COL7A1: variants seen among roughly 807,000 people sequenced by gnomAD.
COL7A1 encodes the protein collagen alpha-1(VII) chain.
A neutral mutation model predicts 456.2 loss-of-function variants in COL7A1; 296 were observed. The observed-to-expected ratio is 0.65, with a 90% CI of 0.59 to 0.71. COL7A1 has a LOEUF of 0.71. COL7A1 is among the 30% of genes least tolerant of loss of function. The probability of loss-of-function intolerance (pLI) is 0.00; values close to 1 mark genes in which losing one functional copy is unlikely to be tolerated. For missense variants in COL7A1, 3,441 were observed against 4,017.2 expected (o/e 0.86, Z 3.88); for synonymous variants, 1,464 against 1,525.9 (o/e 0.96, Z 0.95).
chr3:48,564,925 C>T lies in COL7A1; in HGVS notation c.8676G>A (p.Trp2892Ter), dbSNP rs755464659. ...EGSCTAYTLR[W>*]YHRAVTGSTE... ...TGCTGCCTGTCACAGCCCGATGGTA[C>T]CAGCGCAGGGTGTAGGCAGTGCAGG... The change falls in exon 118 of 119, where the codon TGG (tryptophan) becomes TGA (stop). Residue 2892 changes from tryptophan (W) to a stop codon, truncating the protein, a stop_gained. Coordinates refer to ENST00000681320, the MANE Select transcript of COL7A1 (RefSeq NM_000094.4). LOFTEE classifies it high-confidence loss of function. This position sits in a 1 kb window ranked among gnomAD's most constrained non-coding sequence, Gnocchi z 6.0. The T allele has an allele frequency of 1.2e-6, 2 of 1,614,190 alleles. No homozygotes were observed. Among genetic ancestry groups the T allele is most frequent in the Non-Finnish European group, 1.7e-6 (2 of 1,180,030 alleles).
Position 48,568,206 on chromosome 3 carries a change from G to T in COL7A1, c.7795-36C>A. On this transcript the variant is annotated intron_variant, in intron 105 of 118. Transcript: ENST00000681320. The surrounding 1 kb of genome is among the most constrained non-coding windows in gnomAD (Gnocchi z 5.2). ...GAGGGTCCATGTGAGGTCAGAGGAG[G>T]TCAGTGAGGGACCAAAGAGAATCGC... The T allele has an allele frequency of 1.2e-6, 2 of 1,603,616 alleles. No individual in the cohort carries two copies. Among genetic ancestry groups the T allele is most frequent in the East Asian group, 2.2e-5 (1 of 44,854 alleles).
chr3:48,572,873 G>A lies in COL7A1; in HGVS notation c.6820C>T (p.Pro2274Ser). ...ASGKDGDRGS[P>S]GVPGSPGLPG... ...CCCAGAACACATACTGGCACACCAG[G>A]GCTCCCTCTGTCTCCATCTTTTCCA... is the stretch of plus-strand genomic sequence containing the variant. Residue 2274 changes from proline to serine, a missense_variant, in exon 87 of 119, where the codon CCT (proline) becomes TCT (serine). Coordinates refer to ENST00000681320, the MANE Select transcript of COL7A1 (RefSeq NM_000094.4). This position sits in a 1 kb window ranked among gnomAD's most constrained non-coding sequence, Gnocchi z 4.6. 1 of 1,613,968 alleles carries A rather than the reference G, an allele frequency of 6.2e-7. No homozygotes were observed. Among genetic ancestry groups the A allele is most frequent in the South Asian group, 1.1e-5 (1 of 91,070 alleles).
Position 48,576,495 on chromosome 3 carries a change from C to T in COL7A1, c.5736+27G>A, listed in dbSNP as rs201553470. 298 of 1,612,364 alleles carry T rather than the reference C, an allele frequency of 1.8e-4. No individual in the cohort carries two copies. The African/African-American group carries it at 2.4e-3, about 13-fold the overall frequency. On this transcript the variant is annotated intron_variant, in intron 69 of 118. Coordinates refer to ENST00000681320, the MANE Select transcript of COL7A1 (RefSeq NM_000094.4). ...CCCAGCCTGGTCAGCCCCCTCACCA[C>T]GCCCCCTACCCAACATCCGCACTCA...
rs760968373 is a variant in COL7A1, at chr3:48,569,840, C to T, written c.7521+40G>A. 2 of 1,614,176 alleles carry T rather than the reference C, an allele frequency of 1.2e-6. No individual in the cohort carries two copies. Among genetic ancestry groups the T allele is most frequent in the South Asian group, 2.2e-5 (2 of 91,086 alleles). On this transcript the variant is annotated intron_variant, in intron 100 of 118. Coordinates refer to ENST00000681320, the MANE Select transcript of COL7A1 (RefSeq NM_000094.4). This position sits in a 1 kb window ranked among gnomAD's most constrained non-coding sequence, Gnocchi z 4.9. ...ATTCTAATATCATACAAGATCCACT[C>T]ACCCCCCCACTCATGCCAGGACCTT...
chr3:48,578,818 C>T lies in COL7A1; in HGVS notation c.5424+101G>A. 1 of 1,295,230 alleles carries T rather than the reference C, an allele frequency of 7.7e-7. No individual in the cohort carries two copies. The highest frequency in any genetic ancestry group is 1.4e-5 in the South Asian group (1 of 69,718). The allele number at this position is 1,295,230 out of a possible 1,614,324, so 80.2% of individuals were successfully genotyped here. On this transcript the variant is annotated intron_variant, in intron 63 of 118. Coordinates refer to ENST00000681320, the MANE Select transcript of COL7A1 (RefSeq NM_000094.4). This position sits in a 1 kb window ranked among gnomAD's most constrained non-coding sequence, Gnocchi z 4.7. Reference sequence around the variant, plus strand: ...AGACCCTCCCAAAGGCAAGGCTGAACCGACCCCCCACCAACTCTCTCGGAT... The same window carrying T: ...AGACCCTCCCAAAGGCAAGGCTGAATCGACCCCCCACCAACTCTCTCGGAT...
chr3:48,581,033 A>G lies in COL7A1; in HGVS notation c.4935+89T>C, dbSNP rs902675233. 65 of 1,599,758 alleles carry G rather than the reference A, an allele frequency of 4.1e-5. No homozygotes were observed. The highest frequency in any genetic ancestry group is 5.3e-5 in the Non-Finnish European group (62 of 1,168,026). ...AGCAGCAGCTGGACAGGAGGCAGGG[A>G]GTGGATGGATGAACTGGTGGAGCAC... On this transcript the variant is annotated intron_variant, in intron 53 of 118. Coordinates refer to ENST00000681320, the MANE Select transcript of COL7A1 (RefSeq NM_000094.4). This position sits in a 1 kb window ranked among gnomAD's most constrained non-coding sequence, Gnocchi z 5.8.
At position 48,593,382 on chromosome 3, in the gene COL7A1, C is replaced by T. The variant is rs986805584; in HGVS notation, c.494G>A (p.Gly165Glu). 1.2e-6 allele frequency: 2 copies of T among 1,614,154 alleles called. No homozygotes were observed. Among genetic ancestry groups the T allele is most frequent in the African/African-American group, 1.3e-5 (1 of 75,054 alleles). ...LVDTAAQRLK[G>E]QGVKLFAVGI... ...CACAGCAAATAGCTTGACCCCCTGC[C>T]CCTTCAGCCTTTGGGCAGCTGTGTC... The change falls in exon 5 of 119, where the codon GGG (glycine) becomes GAG (glutamate). Residue 165 changes from glycine to glutamate, a missense_variant. Physicochemically the swap from Gly to Glu is moderately conservative, Grantham distance 98 (BLOSUM62 -2). Coordinates refer to ENST00000681320, the MANE Select transcript of COL7A1 (RefSeq NM_000094.4). This position sits in a 1 kb window ranked among gnomAD's most constrained non-coding sequence, Gnocchi z 4.4.
rs748171177 is a variant in COL7A1 at position 48,574,705 on chromosome 3, T to C, written c.6365A>G (p.Asn2122Ser). Residue 2122 changes from asparagine (N) to serine (S), a missense_variant, in exon 78 of 119, where the codon AAT becomes AGT. By Grantham distance (46) the Asn-to-Ser change is conservative (BLOSUM62 1). Transcript: ENST00000681320. This position sits in a 1 kb window ranked among gnomAD's most constrained non-coding sequence, Gnocchi z 5.0. ...GTCTCCTTTGGGACCTTGGTCACCATTGCTGCCCGGCTCCCCCTGTGGGGA... is the reference window on the plus strand; with the variant it reads ...GTCTCCTTTGGGACCTTGGTCACCACTGCTGCCCGGCTCCCCCTGTGGGGA... The part of the protein sequence containing the change: ...LKGAKGEPGS[N>S]GDQGPKGDRG... 48 of 1,613,816 alleles carry C rather than the reference T, an allele frequency of 3.0e-5. No homozygotes were observed. Among genetic ancestry groups the C allele is most frequent in the Non-Finnish European group, 4.0e-5 (47 of 1,180,008 alleles).
chr3:48,585,776 C>G lies in COL7A1; in HGVS notation c.3787-42G>C. 1 of 1,614,078 alleles carries G rather than the reference C, an allele frequency of 6.2e-7. No individual in the cohort carries two copies. ...GTGAGACCTGTGCTGCCAACCTCTC[C>G]TGCCCCACTGACACTCAACCCATTC... On this transcript the variant is annotated intron_variant, in intron 30 of 118. Transcript: ENST00000681320. This position sits in a 1 kb window ranked among gnomAD's most constrained non-coding sequence, Gnocchi z 4.5.
Position 48,578,630 on chromosome 3 carries a change from T to C in COL7A1, c.5425-115A>G. The C allele has an allele frequency of 8.1e-7, 1 of 1,227,464 alleles. No homozygotes were observed. Among genetic ancestry groups the C allele is most frequent in the Non-Finnish European group, 1.2e-6 (1 of 853,408 alleles). 76.0% of individuals were successfully genotyped at this position (1,227,464 alleles called of 1,614,324 possible). ...CCTCCAGGGTAGAGACCCCCAGGAC[T>C]GAGAGGTCCCATTGAGATCCCTCAG... is the stretch of plus-strand genomic sequence containing the variant. On this transcript the variant is annotated intron_variant, in intron 63 of 118. Transcript: ENST00000681320. This position sits in a 1 kb window ranked among gnomAD's most constrained non-coding sequence, Gnocchi z 4.7.
rs1173199917 is a variant in COL7A1 at position 48,576,264 on chromosome 3, C to A, written c.5805G>T (p.Glu1935Asp). 2 of 1,613,808 alleles carry A rather than the reference C, an allele frequency of 1.2e-6. No homozygotes were observed. The highest frequency in any genetic ancestry group is 1.7e-5 in the Admixed American group (1 of 60,024). Residue 1935 changes from glutamate to aspartate, a missense_variant, in exon 71 of 119, where the codon GAG becomes GAT. Glu to Asp is a conservative substitution (Grantham distance 45, BLOSUM62 2). Transcript: ENST00000681320. ...CCTGGCTCACCGGCACACTTCCAGG[C>A]TCTCCTCGCAGGCCACGCTCTCCAG... ...GLPGERGLRG[E>D]PGSVPNVDRL...
rs752553107 is a variant in COL7A1 at position 48,565,506 on chromosome 3, A to G, written c.8441-10T>C. 6.2e-7 allele frequency: 1 copy of G among 1,613,770 alleles called. No individual in the cohort carries two copies. The highest frequency in any genetic ancestry group is 8.5e-7 in the Non-Finnish European group (1 of 1,179,802). The stretch of plus-strand genomic sequence containing the variant: ...TAACTAGGGAGGGGTCCTGGAGCCA[A>G]GAGCAGGGGCCTCAGGGCCCTGAAG... On this transcript the variant is annotated splice_polypyrimidine_tract_variant and intron_variant, in intron 115 of 118. Transcript: ENST00000681320. This position sits in a 1 kb window ranked among gnomAD's most constrained non-coding sequence, Gnocchi z 4.5.
chr3:48,565,465 G>A lies in COL7A1; in HGVS notation c.8472C>T (p.Ala2824=), dbSNP rs116591500. ...CAGGCACAGCATGGAGCTGGGAGCC[G>A]GCAGTGTCTGCAGCATAACTAGGGA... ...RPLPSYAADT[A]GSQLHAVPVL... The change falls in exon 116 of 119, where the codon GCC becomes GCT. Residue 2824 remains alanine (A), a synonymous_variant. Transcript: ENST00000681320. This position sits in a 1 kb window ranked among gnomAD's most constrained non-coding sequence, Gnocchi z 4.5. 5.4e-4 allele frequency: 867 copies of A among 1,613,236 alleles called. 6 individuals carry two copies. The African/African-American group carries it at 0.01, about 19-fold the overall frequency.
chr3:48,587,673 G>C lies in COL7A1; in HGVS notation c.2858-119C>G. ...AAGCATCATGGGAGGTCATGCTGGG[G>C]TCACCCAGGGTCAGAGGGTGAGGGG... On this transcript the variant is annotated intron_variant, in intron 22 of 118. Coordinates refer to ENST00000681320, the MANE Select transcript of COL7A1 (RefSeq NM_000094.4). The surrounding 1 kb of genome is among the most constrained non-coding windows in gnomAD (Gnocchi z 6.1). 1.3e-6 allele frequency: 2 copies of C among 1,592,328 alleles called. No homozygotes were observed. The highest frequency in any genetic ancestry group is 1.7e-6 in the Non-Finnish European group (2 of 1,161,292).
Position 48,576,273 on chromosome 3 carries a change from C to A in COL7A1, c.5796G>T (p.Leu1932=), listed in dbSNP as rs745674493. 2 of 1,613,728 alleles carry A rather than the reference C, an allele frequency of 1.2e-6. No homozygotes were observed. Among genetic ancestry groups the A allele is most frequent in the Admixed American group, 3.3e-5 (2 of 60,004 alleles). ...CCGGCACACTTCCAGGCTCTCCTCGCAGGCCACGCTCTCCAGGGAGGCCCT... is the reference window on the plus strand; with the variant it reads ...CCGGCACACTTCCAGGCTCTCCTCGAAGGCCACGCTCTCCAGGGAGGCCCT... ...GEQGLPGERG[L]RGEPGSVPNV... is the part of the protein sequence containing the mutation. Residue 1932 remains leucine, a synonymous_variant, in exon 71 of 119, where the codon CTG becomes CTT. Transcript: ENST00000681320.
At position 48,593,016 on chromosome 3, in the gene COL7A1, G is replaced by A. The variant is rs2045821377; in HGVS notation, c.683-78C>T. On this transcript the variant is annotated intron_variant, in intron 6 of 118. Transcript: ENST00000681320. The surrounding 1 kb of genome is among the most constrained non-coding windows in gnomAD (Gnocchi z 4.4). ...GATGCAGAGTTGGGGTCGGGGTCAG[G>A]AGCACATAGGATGGAATCAGCACTG... The A allele has an allele frequency of 3.1e-6, 5 of 1,612,678 alleles. No individual in the cohort carries two copies. In the South Asian group the frequency reaches 5.5e-5, roughly 18 times the overall value.
Position 48,580,040 on chromosome 3 carries a change from C to T in COL7A1, c.5115G>A (p.Pro1705=), listed in dbSNP as rs773068815. Residue 1705 remains proline (P), a synonymous_variant, in exon 57 of 119, where the codon CCG becomes CCA. Transcript: ENST00000681320. This position sits in a 1 kb window ranked among gnomAD's most constrained non-coding sequence, Gnocchi z 4.5. ...CCAGCGCAGCCCTTACCAGCCGTCC[C>T]GGGGGTCCTGGGGGACCCTGGGAAA... ...DRGEPGPPGP[P]GRLVDTGPGA... is the part of the protein sequence containing the mutation. 10 of 1,613,974 alleles carry T rather than the reference C, an allele frequency of 6.2e-6. No homozygotes were observed. The highest frequency in any genetic ancestry group is 3.3e-5 in the South Asian group (3 of 91,082).
chr3:48,565,635 C>T lies in COL7A1; in HGVS notation c.8440+1G>A, dbSNP rs1001774733. On this transcript the variant is annotated splice_donor_variant, in intron 115 of 118. Coordinates refer to ENST00000681320, the MANE Select transcript of COL7A1 (RefSeq NM_000094.4). LOFTEE classifies it high-confidence loss of function. This position sits in a 1 kb window ranked among gnomAD's most constrained non-coding sequence, Gnocchi z 4.5. ...AGTTCTGGGAGTAGAAAACTACTCA[C>T]GTGATCCAGATGCGATGAACTGGCC... 3.7e-6 allele frequency: 6 copies of T among 1,613,846 alleles called. No homozygotes were observed. Among genetic ancestry groups the T allele is most frequent in the South Asian group, 2.2e-5 (2 of 91,056 alleles).
chr3:48,588,757 T>TC lies in COL7A1; in HGVS notation c.2471dup (p.Asn825LysfsTer41), dbSNP rs746056280. On this transcript the variant is annotated frameshift_variant, in exon 20 of 119. Transcript: ENST00000681320. LOFTEE classifies it high-confidence loss of function. This position sits in a 1 kb window ranked among gnomAD's most constrained non-coding sequence, Gnocchi z 4.6. ...CCCGGATCTCTGCAGAGTCTGTGTT[T>TC]CCTGGGAGTATCTGGTGCCTCATGG... 4.3e-6 allele frequency: 7 copies of TC among 1,613,796 alleles called. No homozygotes were observed. In the Admixed American group the frequency reaches 1.0e-4, roughly 23 times the overall value.
Sources: gnomAD v4.1 joint callset for allele counts on GRCh38, gnomAD v4.1.1 for gene constraint, Gnocchi (gnomAD v3.1) non-coding constraint, MANE v1.5 for transcripts, NCBI Gene and HGNC (gene_info 2026-07-23, HGNC 2026-07-21) for gene names.